TOX3: variants seen among roughly 807,000 people sequenced by gnomAD.
TOX3 encodes the protein TOX high mobility group box family member 3.
Under a neutral mutation model 64.3 loss-of-function variants are expected in TOX3, and 22 were observed. That is an observed-to-expected ratio of 0.34 (90% CI 0.24 to 0.49). The LOEUF is 0.49. Ranked by LOEUF, TOX3 falls within the 20% of genes least tolerant of loss-of-function variation. TOX3 has a pLI of 0.99. For missense variants in TOX3, 661 were observed against 714.4 expected (o/e 0.93, Z 0.85); for synonymous variants, 291 against 273.6 (o/e 1.06, Z -0.63).
intron 1 of TOX3, among the ~76,000 whole-genome samples, chr16:52,530,807 C>T (rs1257831412): frequency 6.6e-6 from 1 of 152,154 alleles, no homozygotes; most frequent in African/African-American, 2.4e-5. Flanking sequence ...ATCTTACTAG[C>T]TTTTAACTTG....
intron 1 of TOX3, among the ~76,000 whole-genome samples, chr16:52,493,070 T>G (rs1961740161): frequency 6.6e-6 from 1 of 152,122 alleles, no homozygotes; most frequent in Admixed American, 6.6e-5. Flanking sequence ...AGCTTCCCTG[T>G]GCTTAGTCAA....
chr16:52,516,295 C>T (rs567081403), intron 1 of TOX3, among the ~76,000 whole-genome samples: 1 of 151,992 alleles, frequency 6.6e-6, no homozygotes, highest in Non-Finnish European at 1.5e-5. Flanking sequence ...CTAACAAGCA[C>T]TATAAAAGAA....
chr16:52,463,437 C>T lies in TOX3; in HGVS notation c.408+497G>A, dbSNP rs563840378. 3.9e-5 allele frequency among the ~76,000 whole-genome samples: 6 copies of T among 152,250 alleles called. No individual in the cohort carries two copies. In the South Asian group the frequency reaches 1.0e-3, roughly 26 times the overall value. On this transcript the variant is annotated intron_variant, in intron 3 of 6. Transcript: ENST00000219746. ...GGTGTATTTCACATAATCACTTGTT[C>T]TATATTTTTCTCTGCTGGTTATAAG...
chr16:52,441,955 T>C (rs1960004586), intron 6 of TOX3, among the ~76,000 whole-genome samples: 1 of 152,186 alleles, frequency 6.6e-6, no homozygotes, highest in Non-Finnish European at 1.5e-5. Flanking sequence ...AAATCACCCA[T>C]AAAGTTGAAT....
intron 1 of TOX3, among the ~76,000 whole-genome samples, chr16:52,534,917 A>G (rs1962918079): frequency 1.3e-5 from 2 of 152,202 alleles, no homozygotes; most frequent in South Asian, 4.1e-4. Context: ...GCAGGTAATC[A>G]ATTAAAATTA....
At chr16:52,545,902 C>T (rs541987727) in intron 1 of TOX3, among the ~76,000 whole-genome samples, 6 of 152,228 alleles carry the variant, frequency 3.9e-5, no homozygotes, top group Admixed American at 3.9e-4. Context: ...TCGAAGTTGG[C>T]GCAGGGGGAG....
chr16:52,466,836 T>C (rs143002109), intron 2 of TOX3, among the ~76,000 whole-genome samples: 3 of 152,124 alleles, frequency 2.0e-5, no homozygotes, highest in African/African-American at 7.2e-5. Context: ...TATATTAAAA[T>C]TAAGCTTTCC....
chr16:52,446,461 G>A (rs1480745622), intron 4 of TOX3, among the ~76,000 whole-genome samples: 1 of 152,124 alleles, frequency 6.6e-6, no homozygotes, highest in South Asian at 2.1e-4. Flanking sequence ...ACATATGCTC[G>A]AAATAGCAAT....
At chr16:52,451,559 C>A (rs1309098948) in intron 3 of TOX3, among the ~76,000 whole-genome samples, 1 of 152,092 alleles carries the variant, frequency 6.6e-6, no homozygotes, top group African/African-American at 2.4e-5. Context: ...AAACCAAATT[C>A]TCTTGACTCA....
chr16:52,505,665 T>C (rs1271658845), intron 1 of TOX3, among the ~76,000 whole-genome samples: 1 of 152,184 alleles, frequency 6.6e-6, no homozygotes, highest in Non-Finnish European at 1.5e-5. Context: ...AATAATTTTA[T>C]GTCACAATAA....
intron 3 of TOX3, among the ~76,000 whole-genome samples, chr16:52,462,650 T>C (rs569397916): frequency 3.0e-4 from 45 of 152,164 alleles, no homozygotes; most frequent in Non-Finnish European, 5.7e-4. Context: ...ACACCCATTT[T>C]ATTTTTATTC....
At chr16:52,521,281 T>G (rs1962601213) in intron 1 of TOX3, among the ~76,000 whole-genome samples, 2 of 152,192 alleles carry the variant, frequency 1.3e-5, no homozygotes, top group Admixed American at 1.3e-4. Context: ...CATATCCTTG[T>G]AGCTAAAAAT....
At chr16:52,507,038 G>T (rs148260080) in intron 1 of TOX3, among the ~76,000 whole-genome samples, 1 of 152,302 alleles carries the variant, frequency 6.6e-6, no homozygotes, top group African/African-American at 2.4e-5. Flanking sequence ...GAGACCCATA[G>T]AGTTCACATG....
intron 1 of TOX3, among the ~76,000 whole-genome samples, chr16:52,506,689 A>C (rs1962170522): frequency 6.6e-6 from 1 of 152,220 alleles, no homozygotes; most frequent in South Asian, 2.1e-4. Context: ...TGCAGATAAG[A>C]GGACACTTAT....
intron 1 of TOX3, among the ~76,000 whole-genome samples, chr16:52,510,523 A>AG (rs1450192764): frequency 6.6e-6 from 1 of 152,174 alleles, no homozygotes; most frequent in Admixed American, 6.5e-5. Context: ...TGGGAGGCCA[A>AG]GGCAGGCAGA....
chr16:52,483,609 C>A (rs868827422), intron 1 of TOX3, among the ~76,000 whole-genome samples: 1 of 134,450 alleles, frequency 7.4e-6, no homozygotes. Flanking sequence ...TGCTCTGTCG[C>A]CCAGGCTGGA....
intron 1 of TOX3, among the ~76,000 whole-genome samples, chr16:52,518,599 A>G (rs1318674664): frequency 6.6e-6 from 1 of 152,250 alleles, no homozygotes; most frequent in African/African-American, 2.4e-5. Flanking sequence ...CAGCTTTAAT[A>G]TCAATATTCT....
At chr16:52,502,205 A>C (rs1222561592) in intron 1 of TOX3, among the ~76,000 whole-genome samples, 1 of 152,198 alleles carries the variant, frequency 6.6e-6, no homozygotes. Flanking sequence ...GAACACAAAA[A>C]TAAAAGCTAT....
chr16:52,458,469 A>G (rs1960590999), intron 3 of TOX3, among the ~76,000 whole-genome samples: 1 of 152,334 alleles, frequency 6.6e-6, no homozygotes, highest in South Asian at 2.1e-4. Flanking sequence ...TAAGTGCTGT[A>G]AAAGGGTGTC....
Sources: allele counts gnomAD v4.1 joint callset (sites outside exome capture counted in the v4.1 genomes callset), GRCh38; gene constraint gnomAD v4.1.1; transcripts MANE v1.5; gene names NCBI Gene and HGNC (gene_info 2026-07-23, HGNC 2026-07-21).